The following SEPTIN10 variants were observed in gnomAD, a reference collection of about 807,000 sequenced individuals.
SEPTIN10 encodes septin-10.
SEPTIN10 carries 66 observed loss-of-function variants against 54.8 expected under a neutral mutation model. That is an observed-to-expected ratio of 1.21 (90% confidence interval 0.99 to 1.48). The LOEUF (loss-of-function observed/expected upper bound fraction) is 1.48. Among genes scored for constraint, SEPTIN10 ranks in the 40% most tolerant of loss-of-function variants. SEPTIN10 has a pLI of 0.00. For missense variants in SEPTIN10, 620 were observed against 545.6 expected (o/e 1.14, Z -1.36); for synonymous variants, 161 against 181.0 (o/e 0.89, Z 0.89).
At chr2:109,575,150 C>G (rs773213159) in intron 4 of SEPTIN10, among the ~76,000 whole-genome samples, 9 of 152,208 alleles carry the variant, frequency 5.9e-5, no homozygotes, top group Non-Finnish European at 1.0e-4. Flanking sequence ...TACACTGATT[C>G]ATTCTCATAG....
chr2:109,601,697 A>G (rs1696620195), intron 1 of SEPTIN10, among the ~76,000 whole-genome samples: 1 of 152,152 alleles, frequency 6.6e-6, no homozygotes, highest in African/African-American at 2.4e-5. Context: ...AGACTAAACT[A>G]TAAATCTTTT....
At position 109,567,889 on chromosome 2, in the gene SEPTIN10, C is replaced by T. The variant is rs758005172; in HGVS notation, c.688G>A (p.Val230Ile). The T allele has an allele frequency of 1.2e-6, 2 of 1,613,886 alleles. No homozygotes were observed. The highest frequency in any genetic ancestry group is 4.5e-5 in the East Asian group (2 of 44,892). Residue 230 changes from valine to isoleucine, a missense_variant, in exon 6 of 11, where the codon GTC becomes ATC. Transcript: ENST00000397712. Reference protein sequence around the residue: ...KFKIKLMSELVSNGVQIYQFP... With the variant: ...KFKIKLMSELISNGVQIYQFP... ...TGGTATATCTGGACGCCATTGCTGACCAATTCACTCATGAGCTTGATCTTA... is the reference window on the plus strand; with the variant it reads ...TGGTATATCTGGACGCCATTGCTGATCAATTCACTCATGAGCTTGATCTTA...
Position 109,574,694 on chromosome 2 carries a change from A to G in SEPTIN10, c.487T>C (p.Ser163Pro). 1 of 1,609,218 alleles carries G rather than the reference A, an allele frequency of 6.2e-7. No homozygotes were observed. The highest frequency in any genetic ancestry group is 8.5e-7 in the Non-Finnish European group (1 of 1,177,766). ...CGAGAATCATGGTAGGTAAAGAGAG[A>G]ACGCTTAATCTTCAGTTCTTCTTGG... is the stretch of plus-strand genomic sequence containing the variant. ...YLQEELKIKR[S>P]LFTYHDSRIH... The change falls in exon 5 of 11, where the codon TCT becomes CCT. Residue 163 changes from serine (S) to proline (P), a missense_variant. By Grantham distance (74) the Ser-to-Pro change is moderately conservative. Coordinates refer to ENST00000397712, the MANE Select transcript of SEPTIN10 (RefSeq NM_144710.5).
chr2:109,608,557 C>A (rs1419466227), intron 1 of SEPTIN10, among the ~76,000 whole-genome samples: 1 of 152,142 alleles, frequency 6.6e-6, no homozygotes, highest in Non-Finnish European at 1.5e-5. Flanking sequence ...CTGGGGAGCC[C>A]ATCCTACCTG....
chr2:109,595,904 G>A lies in SEPTIN10; in HGVS notation c.31-2785C>T, dbSNP rs1032087288. On this transcript the variant is annotated intron_variant, in intron 1 of 10. Transcript: ENST00000397712. ...GAGGGTAGAACATTCCATGCTTGTC[G>A]TTAATTCCGGACCTAACATACTACC... 4.6e-5 allele frequency among the ~76,000 whole-genome samples: 7 copies of A among 152,284 alleles called. No individual in the cohort carries two copies. The South Asian group carries it at 1.2e-3, about 27-fold the overall frequency.
intron 4 of SEPTIN10, among the ~76,000 whole-genome samples, chr2:109,583,640 A>G (rs1691751480): frequency 6.6e-6 from 1 of 152,224 alleles, no homozygotes; most frequent in South Asian, 2.1e-4. Flanking sequence ...AACTTGGAAT[A>G]TATCCAAAAG....
chr2:109,546,014 G>T, intron 10 of SEPTIN10, 36 bp downstream of exon 10: 1 of 1,536,172 alleles, frequency 6.5e-7, no homozygotes, highest in Non-Finnish European at 8.7e-7. Flanking sequence ...GACAAGTGTG[G>T]GCAGGGCTGC....
rs150601395 is a variant in SEPTIN10, at chr2:109,606,282, G to A, written c.30+7516C>T. Reference sequence around the variant, plus strand: ...CTACAAAAATTAGCTGGGTGTGGTGGCACATGCCTGTAATCCCAGCTACTC... The same window carrying A: ...CTACAAAAATTAGCTGGGTGTGGTGACACATGCCTGTAATCCCAGCTACTC... On this transcript the variant is annotated intron_variant, in intron 1 of 10. Transcript: ENST00000397712. Among the ~76,000 whole-genome samples, 613 of 152,152 alleles carry A rather than the reference G, an allele frequency of 4.0e-3. 6 individuals carry two copies. Among genetic ancestry groups the A allele is most frequent in the African/African-American group, 0.014 (570 of 41,554 alleles).
intron 9 of SEPTIN10, among the ~76,000 whole-genome samples, chr2:109,550,847 T>C (rs1317586545): frequency 6.6e-6 from 1 of 152,208 alleles, no homozygotes; most frequent in Non-Finnish European, 1.5e-5. Flanking sequence ...ATGTTCATGG[T>C]TGTAACGTAG....
chr2:109,564,472 C>A lies in SEPTIN10; in HGVS notation c.922G>T (p.Glu308Ter). ...LREMLICTNM[E>*]DLREQTHTRH... ...GTATGGGTCTGCTCTCGCAGGTCCTCCATATTTGTACAAATGAGCATTTCC... is the reference window on the plus strand; with the variant it reads ...GTATGGGTCTGCTCTCGCAGGTCCTACATATTTGTACAAATGAGCATTTCC... Residue 308 changes from glutamate (E) to a stop codon, truncating the protein, a stop_gained, in exon 8 of 11, where the codon GAG (glutamate) becomes TAG (stop). Transcript: ENST00000397712. LOFTEE classifies it high-confidence loss of function. 1 of 1,588,296 alleles carries A rather than the reference C, an allele frequency of 6.3e-7. No individual in the cohort carries two copies. Among genetic ancestry groups the A allele is most frequent in the Non-Finnish European group, 8.6e-7 (1 of 1,163,934 alleles).
intron 4 of SEPTIN10, among the ~76,000 whole-genome samples, chr2:109,577,257 T>C (rs1689895393): frequency 6.6e-6 from 1 of 152,150 alleles, no homozygotes; most frequent in African/African-American, 2.4e-5. Flanking sequence ...TAATAGATGG[T>C]AATAAACATA....
chr2:109,597,332 C>CTAAG (rs1695531988), intron 1 of SEPTIN10, among the ~76,000 whole-genome samples: 1 of 152,144 alleles, frequency 6.6e-6, no homozygotes, highest in African/African-American at 2.4e-5. Context: ...CTGTGTAGGG[C>CTAAG]TAAGAAACAC....
At position 109,585,107 on chromosome 2, in the gene SEPTIN10, A is replaced by G. The variant is rs201394478; in HGVS notation, c.413+19T>C. Reference sequence around the variant, plus strand: ...TGAAATAAGAAAAACTTGTTTTATTACAAGAAGAAAACACATACCTCTCTT... The same window carrying G: ...TGAAATAAGAAAAACTTGTTTTATTGCAAGAAGAAAACACATACCTCTCTT... On this transcript the variant is annotated intron_variant, in intron 4 of 10. Transcript: ENST00000397712. 24 of 1,468,282 alleles carry G rather than the reference A, an allele frequency of 1.6e-5. No individual in the cohort carries two copies. The East Asian group carries it at 5.5e-4, about 33-fold the overall frequency. The allele number at this position is 1,468,282 out of a possible 1,614,324, so 91.0% of individuals were successfully genotyped here.
intron 4 of SEPTIN10, among the ~76,000 whole-genome samples, chr2:109,582,075 GACACACACACACAC>G (rs55880328): frequency 0.073 from 10,531 of 143,836 alleles, 807 homozygotes; most frequent in East Asian, 0.29. Context: ...ATGTACAACA[GACACACACACACAC>G]ACACACACAC....
chr2:109,600,241 C>T (rs754355614), intron 1 of SEPTIN10, among the ~76,000 whole-genome samples: 19 of 152,058 alleles, frequency 1.2e-4, no homozygotes, highest in Non-Finnish European at 2.8e-4. Flanking sequence ...TGGATCAGGG[C>T]CTGAAGGCTT....
intron 1 of SEPTIN10, among the ~76,000 whole-genome samples, chr2:109,607,669 T>C (rs963420185): frequency 7.2e-5 from 11 of 151,976 alleles, no homozygotes; most frequent in African/African-American, 2.7e-4. Flanking sequence ...CCTGAGGGGG[T>C]AATAATGAAA....
At chr2:109,609,642 A>G (rs1698801111) in intron 1 of SEPTIN10, among the ~76,000 whole-genome samples, 1 of 151,992 alleles carries the variant, frequency 6.6e-6, no homozygotes, top group Admixed American at 6.6e-5. Context: ...AAAGATCAAG[A>G]AAGAATTAAG....
At chr2:109,599,217 G>GT (rs1364724176) in intron 1 of SEPTIN10, among the ~76,000 whole-genome samples, 22 of 152,214 alleles carry the variant, frequency 1.4e-4, no homozygotes, top group Middle Eastern at 6.8e-3. Flanking sequence ...CAGCACTCTG[G>GT]GAGGCCAAGA....
chr2:109,597,658 C>T (rs1343083403), intron 1 of SEPTIN10, among the ~76,000 whole-genome samples: 4 of 152,328 alleles, frequency 2.6e-5, no homozygotes, highest in South Asian at 2.1e-4. Flanking sequence ...TATAAATCTA[C>T]ACACCTACTT....
Sources: gnomAD v4.1 joint callset for allele counts (sites outside exome capture counted in the v4.1 genomes callset) on GRCh38, gnomAD v4.1.1 for gene constraint, MANE v1.5 for transcripts, NCBI Gene and HGNC (gene_info 2026-07-23, HGNC 2026-07-21) for gene names.